Variants in LDB2 observed in about 807,000 individuals in gnomAD.
LDB2 encodes LIM domain binding 2, also known as LIM domain-binding protein 2.
Under a neutral mutation model 44.3 loss-of-function variants are expected in LDB2, and 12 were observed. The ratio of observed to expected loss-of-function variants is 0.27; its 90% CI spans 0.17 to 0.44. The LOEUF (loss-of-function observed/expected upper bound fraction) is 0.44. Among genes scored for constraint, LDB2 ranks in the 20% least tolerant of loss-of-function variants. The pLI, the probability that LDB2 is intolerant of heterozygous loss-of-function variation, is 1.00. For synonymous variants in LDB2, 164 were observed against 174.8 expected, an observed-to-expected ratio of 0.94 and a Z score of 0.49; for missense variants, 344 against 473.5, an observed-to-expected ratio of 0.73 and a Z score of 2.54.
In LDB2 at chr4:16,585,954, C is replaced by T; in HGVS notation, c.583G>A (p.Gly195Arg). The T allele has an allele frequency of 6.2e-7, 1 of 1,613,752 alleles. No homozygotes were observed. The highest frequency in any genetic ancestry group is 8.5e-7 in the Non-Finnish European group (1 of 1,179,788). Residue 195 changes from glycine (G) to arginine (R), a missense_variant, in exon 5 of 8, where the codon GGG becomes AGG. Physicochemically the swap from Gly to Arg is moderately radical, Grantham distance 125. Around this residue, in one of 3 missense-constraint regions of LDB2, gnomAD observed 226 missense variants for 270.1 expected, o/e 0.84. Coordinates refer to ENST00000304523, the MANE Select transcript of LDB2 (RefSeq NM_001290.5). Reference sequence around the variant, plus strand: ...TAGTTGAGGGTGAAGTTTGTTAGCCCCATCCTGGTGATGTTTTTGGACAGC... The same window carrying T: ...TAGTTGAGGGTGAAGTTTGTTAGCCTCATCCTGGTGATGTTTTTGGACAGC... ...DQLSKNITRM[G>R]LTNFTLNYLR...
chr4:16,560,889 C>T (rs536748384), intron 5 of LDB2, among the ~76,000 whole-genome samples: 18 of 152,262 alleles, frequency 1.2e-4, no homozygotes, highest in Non-Finnish European at 1.0e-4. Flanking sequence ...GGGCTTCATC[C>T]CTGGGATGCA....
chr4:16,603,719 A>G (rs1723183327), intron 2 of LDB2, among the ~76,000 whole-genome samples: 1 of 152,158 alleles, frequency 6.6e-6, no homozygotes, highest in African/African-American at 2.4e-5. Flanking sequence ...TTCAAAAAAG[A>G]AATAGGGAGA....
intron 5 of LDB2, among the ~76,000 whole-genome samples, chr4:16,580,988 G>A (rs934217989): frequency 6.6e-6 from 1 of 152,150 alleles, no homozygotes; most frequent in Admixed American, 6.5e-5. Flanking sequence ...TTTCATATTA[G>A]AAATTTGAAA....
At chr4:16,684,740 G>A (rs1748792039) in intron 2 of LDB2, among the ~76,000 whole-genome samples, 1 of 152,176 alleles carries the variant, frequency 6.6e-6, no homozygotes. Flanking sequence ...TATCATCTAT[G>A]AGGGAAAGCA....
At chr4:16,797,192 A>G (rs1410493836) in intron 1 of LDB2, among the ~76,000 whole-genome samples, 1 of 152,222 alleles carries the variant, frequency 6.6e-6, no homozygotes, top group Non-Finnish European at 1.5e-5. Context: ...CCCGCCCTGT[A>G]TGAGGGCTTT....
intron 5 of LDB2, among the ~76,000 whole-genome samples, chr4:16,544,229 C>A (rs1014299246): frequency 6.6e-6 from 1 of 152,208 alleles, no homozygotes; most frequent in Admixed American, 6.5e-5. Context: ...AGGAGAGAAC[C>A]CTATGAACCC....
chr4:16,636,538 T>G (rs1040391076), intron 2 of LDB2, among the ~76,000 whole-genome samples: 4 of 152,222 alleles, frequency 2.6e-5, no homozygotes, highest in African/African-American at 9.6e-5. Flanking sequence ...ACAATAAGAT[T>G]GTCATTTACC....
chr4:16,626,028 T>C (rs1730194451), intron 2 of LDB2, among the ~76,000 whole-genome samples: 1 of 152,148 alleles, frequency 6.6e-6, no homozygotes, highest in East Asian at 1.9e-4. Context: ...TAAAGGCCAC[T>C]AGGTAGAGGG....
At chr4:16,828,193 C>A (rs778217294) in intron 1 of LDB2, among the ~76,000 whole-genome samples, 2 of 152,166 alleles carry the variant, frequency 1.3e-5, no homozygotes, top group Non-Finnish European at 2.9e-5. Context: ...GGCAAACCAT[C>A]GTCTTAGGAT....
At position 16,579,723 on chromosome 4, in the gene LDB2, G is replaced by A. The variant is rs147450699; in HGVS notation, c.615+6199C>T. On this transcript the variant is annotated intron_variant, in intron 5 of 7. Coordinates refer to ENST00000304523, the MANE Select transcript of LDB2 (RefSeq NM_001290.5). ...ACATGTTTTTTTCTAGATGCTGTAG[G>A]GCAAATGAATTCAACTGAGTTTTAT... Among the ~76,000 whole-genome samples the A allele has an allele frequency of 3.5e-3, 528 of 152,146 alleles. 2 individuals carry two copies. The highest frequency in any genetic ancestry group is 0.012 in the African/African-American group (515 of 41,488).
intron 1 of LDB2, among the ~76,000 whole-genome samples, chr4:16,887,515 T>C (rs892334757): frequency 6.6e-6 from 1 of 151,556 alleles, no homozygotes; most frequent in African/African-American, 2.4e-5. Flanking sequence ...CATGTTAAAC[T>C]TGTAAGGTCT....
chr4:16,562,289 A>C (rs1181636319), intron 5 of LDB2, among the ~76,000 whole-genome samples: 10 of 152,216 alleles, frequency 6.6e-5, no homozygotes, highest in Admixed American at 6.5e-4. Context: ...GGCAACCTAC[A>C]GAATGGGAGA....
At chr4:16,543,033 C>G (rs1734426452) in intron 5 of LDB2, among the ~76,000 whole-genome samples, 1 of 149,740 alleles carries the variant, frequency 6.7e-6, no homozygotes, top group South Asian at 2.1e-4. Flanking sequence ...ATTTGGTTTT[C>G]TGCCCTTGTG....
At chr4:16,545,160 C>T (rs1296917306) in intron 5 of LDB2, among the ~76,000 whole-genome samples, 6 of 151,416 alleles carry the variant, frequency 4.0e-5, no homozygotes, top group Admixed American at 3.9e-4. Flanking sequence ...CTCCCTGCTT[C>T]CTTCCTCCTT....
intron 1 of LDB2, among the ~76,000 whole-genome samples, chr4:16,879,253 C>T (rs1489419288): frequency 6.6e-6 from 1 of 152,148 alleles, no homozygotes; most frequent in East Asian, 1.9e-4. Flanking sequence ...CTGACACCAG[C>T]CTCTATTATA....
At chr4:16,763,603 A>T (rs906239448) in intron 1 of LDB2, among the ~76,000 whole-genome samples, 15 of 152,226 alleles carry the variant, frequency 9.9e-5, no homozygotes, top group African/African-American at 2.4e-4. Context: ...TTGGCTGTAT[A>T]TGAAGGAAGC....
At chr4:16,546,451 A>G (rs890999149) in intron 5 of LDB2, among the ~76,000 whole-genome samples, 11 of 152,246 alleles carry the variant, frequency 7.2e-5, no homozygotes, top group South Asian at 2.1e-4. Context: ...CCACTTCAAC[A>G]TATTGTATGT....
intron 1 of LDB2, among the ~76,000 whole-genome samples, chr4:16,776,160 T>C (rs1028262488): frequency 1.3e-5 from 2 of 152,210 alleles, no homozygotes; most frequent in Non-Finnish European, 1.5e-5. Flanking sequence ...ATGGGTGACC[T>C]TAAGTAAGTC....
intron 5 of LDB2, among the ~76,000 whole-genome samples, chr4:16,559,979 C>G (rs978046090): frequency 6.6e-5 from 10 of 152,108 alleles, no homozygotes; most frequent in African/African-American, 2.4e-4. Context: ...GGGTACATAA[C>G]AAAATGAAGG....
Sources: allele counts gnomAD v4.1 joint callset (sites outside exome capture counted in the v4.1 genomes callset), GRCh38; gene constraint gnomAD v4.1.1; regional missense constraint gnomAD v4.1.1; transcripts MANE v1.5; gene names NCBI Gene and HGNC (gene_info 2026-07-23, HGNC 2026-07-21).